C2CD3: variants seen among roughly 807,000 people sequenced by gnomAD.
C2CD3 encodes the protein C2 domain-containing protein 3.
In C2CD3, 148 loss-of-function variants were observed where a neutral mutation model predicts 234.0. That is an observed-to-expected ratio of 0.63 (90% confidence interval 0.55 to 0.72). The LOEUF (loss-of-function observed/expected upper bound fraction) is 0.72, where lower values mean the gene tolerates loss of function less well. Among genes scored for constraint, C2CD3 ranks in the 30% least tolerant of loss-of-function variants. The probability of loss-of-function intolerance (pLI) is 0.00; values close to 1 mark genes in which losing one functional copy is unlikely to be tolerated. For synonymous variants in C2CD3, 1,000 were observed against 1,035.4 expected (o/e 0.97, Z 0.66); for missense variants, 2,577 against 2,811.5 (o/e 0.92, Z 1.89).
At position 74,114,364 on chromosome 11, in the gene C2CD3, T is replaced by G. The variant is rs1238696792; in HGVS notation, c.1730+20A>C. On this transcript the variant is annotated intron_variant, in intron 10 of 32. Transcript: ENST00000334126. Reference sequence around the variant, plus strand: ...CTTTCCAAAAATGTCAAATTTAGCTTTCTCATGTTAGAGACATACCGCTTT... The same window carrying G: ...CTTTCCAAAAATGTCAAATTTAGCTGTCTCATGTTAGAGACATACCGCTTT... 1 of 1,583,510 alleles carries G rather than the reference T, an allele frequency of 6.3e-7. No individual in the cohort carries two copies. Among genetic ancestry groups the G allele is most frequent in the Non-Finnish European group, 8.7e-7 (1 of 1,154,122 alleles).
rs1951764068 is a variant in C2CD3 at position 74,013,438 on chromosome 11, C to T, written c.7009G>A (p.Glu2337Lys). 3.5e-6 allele frequency: 5 copies of T among 1,409,584 alleles called. No homozygotes were observed. Among genetic ancestry groups the T allele is most frequent in the African/African-American group, 1.5e-5 (1 of 67,896 alleles). 87.3% of individuals were successfully genotyped at this position (1,409,584 alleles called of 1,614,324 possible). A position where few individuals can be genotyped will look rare whatever the true frequency, so the allele number is the denominator to read the frequency against. The change falls in exon 33 of 33, where the codon GAA becomes AAA. Residue 2337 changes from glutamate (E) to lysine (K), a missense_variant. Coordinates refer to ENST00000334126, the MANE Select transcript of C2CD3 (RefSeq NM_001286577.2). The part of the protein sequence containing the change: ...NSLPLNLPEE[E>K]TLRIARIFSS... ...AATATCCGTGCAATCCTGAGAGTTT[C>T]TTCCTCAGGCAGGTTGAGGGGGAGC...
In C2CD3 at chr11:74,074,191, G is replaced by A. The variant is rs567384868; in HGVS notation, c.4951+62C>T. 21 of 1,111,100 alleles carry A rather than the reference G, an allele frequency of 1.9e-5. No homozygotes were observed. In the East Asian group the frequency reaches 5.0e-4, roughly 26 times the overall value. The allele number at this position is 1,111,100 out of a possible 1,614,324, so 68.8% of individuals were successfully genotyped here. ...GATCCTGCCATGATTTGAAAGATTTGTGAAGAAAGGAGCACACCCTGAAGA... is the reference window on the plus strand; with the variant it reads ...GATCCTGCCATGATTTGAAAGATTTATGAAGAAAGGAGCACACCCTGAAGA... On this transcript the variant is annotated intron_variant, in intron 24 of 32. Transcript: ENST00000334126.
At chr11:74,095,154 G>GA (rs574932207) in intron 17 of C2CD3, 74 bp downstream of exon 17, 29,309 of 911,764 alleles carry the variant, frequency 0.032, 5 homozygotes, top group Middle Eastern at 0.036. Flanking sequence ...AATTCACTCA[G>GA]AAAAAAAAAA....
intron 3 of C2CD3, among the ~76,000 whole-genome samples, chr11:74,143,669 C>T (rs1366010061): frequency 6.6e-6 from 1 of 151,248 alleles, no homozygotes; most frequent in African/African-American, 2.4e-5. Flanking sequence ...TATGGGCACA[C>T]GCCACCATGC....
At chr11:74,115,027 A>C (rs1368900018) in intron 9 of C2CD3, among the ~76,000 whole-genome samples, 1 of 152,056 alleles carries the variant, frequency 6.6e-6, no homozygotes, top group Non-Finnish European at 1.5e-5. Context: ...CAAGTTATCA[A>C]GGATTGGAAA....
chr11:74,018,347 G>A (rs1951952124), intron 32 of C2CD3, among the ~76,000 whole-genome samples: 1 of 152,154 alleles, frequency 6.6e-6, no homozygotes, highest in Non-Finnish European at 1.5e-5. Context: ...AGGATCTCCT[G>A]TACTGAGGTA....
rs1095424 is a variant in C2CD3 at position 74,085,563 on chromosome 11, T to C, written c.3910+55A>G. The C allele has an allele frequency of 1, 1,575,886 of 1,577,232 alleles. 787,281 individuals are homozygous for C. The highest frequency in any genetic ancestry group is 1 in the Middle Eastern group (5,957 of 5,958). Reference sequence around the variant, plus strand: ...ATGTATCTCCTAGGAAGGGCTATACTATTCACAATGCAGCCTCTTTTAATT... The same window carrying C: ...ATGTATCTCCTAGGAAGGGCTATACCATTCACAATGCAGCCTCTTTTAATT... On this transcript the variant is annotated intron_variant, in intron 21 of 32. Coordinates refer to ENST00000334126, the MANE Select transcript of C2CD3 (RefSeq NM_001286577.2).
chr11:74,079,021 T>C (rs975459465), intron 22 of C2CD3, among the ~76,000 whole-genome samples: 3 of 152,210 alleles, frequency 2.0e-5, no homozygotes, highest in African/African-American at 4.8e-5. Context: ...ATGGGAAAAC[T>C]GATGCTAGTG....
At chr11:74,063,443 C>T (rs1438926267) in intron 24 of C2CD3, among the ~76,000 whole-genome samples, 3 of 152,238 alleles carry the variant, frequency 2.0e-5, no homozygotes, top group Non-Finnish European at 4.4e-5. Flanking sequence ...ATCAAGTTGG[C>T]TCCATCCCTG....
intron 3 of C2CD3, among the ~76,000 whole-genome samples, chr11:74,152,439 T>C (rs1441211801): frequency 6.6e-6 from 1 of 152,178 alleles, no homozygotes; most frequent in African/African-American, 2.4e-5. Context: ...CAGAAACCAG[T>C]TAACTCCACT....
rs765588447 is a variant in C2CD3 at position 74,161,543 on chromosome 11, C to T, written c.339G>A (p.Leu113=). ...FTSYLTDMAV[L]VLEVITKLDG... is the part of the protein sequence containing the mutation. ...CAAGTTTGGTGATTACTTCCAGCACCAGCACAGCCATATCTAACCAGAAAC... is the reference window on the plus strand; with the variant it reads ...CAAGTTTGGTGATTACTTCCAGCACTAGCACAGCCATATCTAACCAGAAAC... The change falls in exon 3 of 33, where the codon CTG becomes CTA. Residue 113 remains leucine (L), a synonymous_variant. Coordinates refer to ENST00000334126, the MANE Select transcript of C2CD3 (RefSeq NM_001286577.2). 1 of 1,574,580 alleles carries T rather than the reference C, an allele frequency of 6.4e-7. No individual in the cohort carries two copies.
rs1254103414 is a variant in C2CD3, at chr11:74,095,307, T to C, written c.3081A>G (p.Ala1027=). ...GAAAGTAGTACTGGACATAACAATC[T>C]GCTTCTCCCCAGACTGTTGCCTGAA... ...APLQATVWGE[A]DCYVQYYFPV... The change falls in exon 17 of 33, where the codon GCA becomes GCG. Residue 1027 remains alanine, a synonymous_variant. Coordinates refer to ENST00000334126, the MANE Select transcript of C2CD3 (RefSeq NM_001286577.2). 6.2e-7 allele frequency: 1 copy of C among 1,613,898 alleles called. No homozygotes were observed. The highest frequency in any genetic ancestry group is 1.1e-5 in the South Asian group (1 of 91,076).
chr11:74,057,827 T>A (rs1954031086), intron 24 of C2CD3, among the ~76,000 whole-genome samples: 1 of 151,878 alleles, frequency 6.6e-6, no homozygotes, highest in African/African-American at 2.4e-5. Flanking sequence ...TAGCCAAGCA[T>A]GGTGGCACAT....
intron 31 of C2CD3, among the ~76,000 whole-genome samples, chr11:74,030,655 GT>G (rs1407921590): frequency 6.6e-6 from 1 of 152,132 alleles, no homozygotes; most frequent in Non-Finnish European, 1.5e-5. Flanking sequence ...GCCTCTGTGT[GT>G]TTGGTTCCCC....
intron 32 of C2CD3, among the ~76,000 whole-genome samples, chr11:74,021,102 A>G (rs1952065838): frequency 6.6e-6 from 1 of 152,200 alleles, no homozygotes; most frequent in African/African-American, 2.4e-5. Context: ...GAGGATTCCA[A>G]GAGTTTTGGT....
chr11:74,087,191 T>C (rs1237483570), intron 20 of C2CD3, among the ~76,000 whole-genome samples: 1 of 152,222 alleles, frequency 6.6e-6, no homozygotes, highest in Non-Finnish European at 1.5e-5. Context: ...TGTGCATCCA[T>C]ACAATAGTAT....
intron 32 of C2CD3, among the ~76,000 whole-genome samples, chr11:74,018,750 G>C (rs1024563014): frequency 6.6e-6 from 1 of 152,206 alleles, no homozygotes; most frequent in African/African-American, 2.4e-5. Flanking sequence ...GTGAGGACAA[G>C]GCACTTAGAC....
At chr11:74,077,800 T>A (rs1290497618) in intron 23 of C2CD3, among the ~76,000 whole-genome samples, 3 of 9,310 alleles carry the variant, frequency 3.2e-4, no homozygotes, top group African/African-American at 1.4e-3. Flanking sequence ...TATATATATA[T>A]ATATATATAT....
intron 23 of C2CD3, among the ~76,000 whole-genome samples, 161 bp from the exon 24 acceptor site, chr11:74,074,761 G>A (rs1349657043): frequency 6.6e-6 from 1 of 152,166 alleles, no homozygotes; most frequent in Non-Finnish European, 1.5e-5. Context: ...TAGAAAACAT[G>A]AAAACTTTTA....
Sources: allele counts gnomAD v4.1 joint callset (sites outside exome capture counted in the v4.1 genomes callset), GRCh38; gene constraint gnomAD v4.1.1; transcripts MANE v1.5; gene names NCBI Gene and HGNC (gene_info 2026-07-23, HGNC 2026-07-21).